Variants in TMEM132C observed in about 807,000 individuals in gnomAD.
TMEM132C encodes the protein protein phosphatase 1, regulatory subunit 152.
TMEM132C carries 29 observed loss-of-function variants against 61.4 expected under a neutral mutation model. The ratio of observed to expected loss-of-function variants is 0.47; its 90% CI spans 0.35 to 0.64. The LOEUF is 0.64. TMEM132C is among the 30% of genes least tolerant of loss of function. The pLI, the probability that TMEM132C is intolerant of heterozygous loss-of-function variation, is 0.00. For missense variants in TMEM132C, 1,408 were observed against 1,476.9 expected (o/e 0.95, Z 0.76); for synonymous variants, 656 against 633.1 (o/e 1.04, Z -0.54).
intron 1 of TMEM132C, among the ~76,000 whole-genome samples, chr12:128,379,940 G>C (rs751456828): frequency 6.6e-6 from 1 of 152,200 alleles, no homozygotes; most frequent in African/African-American, 2.4e-5. Context: ...GGGATAGTCC[G>C]TGAGTATGGG....
At chr12:128,467,206 C>G (rs145856199) in intron 2 of TMEM132C, among the ~76,000 whole-genome samples, 73 of 152,238 alleles carry the variant, frequency 4.8e-4, no homozygotes, top group African/African-American at 1.6e-3. Context: ...TCTCAGACTC[C>G]GGGTATGTTG....
chr12:128,700,923 T>C (rs1057128405), intron 8 of TMEM132C, among the ~76,000 whole-genome samples: 3 of 152,216 alleles, frequency 2.0e-5, no homozygotes, highest in Admixed American at 1.3e-4. Flanking sequence ...GCAAGTAGTT[T>C]ATTCAGGTGG....
rs1215351410 is a variant in TMEM132C, at chr12:128,654,987, C to T, written c.1306-14430C>T. On this transcript the variant is annotated intron_variant, in intron 4 of 8. Coordinates refer to ENST00000435159, the MANE Select transcript of TMEM132C (RefSeq NM_001136103.3). Reference sequence around the variant, plus strand: ...CACCTCGGGGTCTCCCTGCTCCTACCGAATCTAAGGCAGTCGCAGAGGAAA... The same window carrying T: ...CACCTCGGGGTCTCCCTGCTCCTACTGAATCTAAGGCAGTCGCAGAGGAAA... 3.9e-5 allele frequency among the ~76,000 whole-genome samples: 6 copies of T among 152,202 alleles called. No homozygotes were observed. The East Asian group carries it at 9.6e-4, about 24-fold the overall frequency.
chr12:128,436,647 C>T (rs1263120231), intron 2 of TMEM132C, among the ~76,000 whole-genome samples: 1 of 152,204 alleles, frequency 6.6e-6, no homozygotes, highest in Admixed American at 6.5e-5. Context: ...CAGGAAACAA[C>T]AGGTGCTGGA....
chr12:128,569,195 T>C (rs1443772156), intron 3 of TMEM132C, among the ~76,000 whole-genome samples: 1 of 152,160 alleles, frequency 6.6e-6, no homozygotes, highest in Non-Finnish European at 1.5e-5. Context: ...CACAGTGAGC[T>C]GAGTTTGGGA....
chr12:128,682,332 C>G (rs1208466118), intron 5 of TMEM132C, among the ~76,000 whole-genome samples: 1 of 152,226 alleles, frequency 6.6e-6, no homozygotes, highest in African/African-American at 2.4e-5. Context: ...TGTCCCAGCA[C>G]CTCCTCTCCA....
At chr12:128,449,136 C>CAAAAAAAAAA (rs141298455) in intron 2 of TMEM132C, among the ~76,000 whole-genome samples, 1 of 50,720 alleles carries the variant, frequency 2.0e-5, no homozygotes, top group Non-Finnish European at 4.3e-5. Flanking sequence ...GACTCTGTCT[C>CAAAAAAAAAA]AAAAAAAAAA....
chr12:128,706,321 C>CAGAT lies in TMEM132C; in HGVS notation c.*27_*30dup. 4 of 1,479,248 alleles carry CAGAT rather than the reference C, an allele frequency of 2.7e-6. No homozygotes were observed. The highest frequency in any genetic ancestry group is 3.6e-6 in the Non-Finnish European group (4 of 1,115,570). The allele number at this position is 1,479,248 out of a possible 1,614,324, so 91.6% of individuals were successfully genotyped here. ...GCCCCTCTAGCCAAAGGGCCCTGCCCAGATGCCTTCCTTGTACTGGAAACT... is the reference window on the plus strand; with the variant it reads ...GCCCCTCTAGCCAAAGGGCCCTGCCCAGATAGATGCCTTCCTTGTACTGGAAACT... On this transcript the variant is annotated 3_prime_UTR_variant, in exon 9 of 9. Transcript: ENST00000435159.
At position 128,459,888 on chromosome 12, in the gene TMEM132C, A is replaced by AG. The variant is rs1870476365; in HGVS notation, c.974+44268_974+44269insG. ...CAACAGAGCAAGACTCTGTCTCAAA[A>AG]AAAAAAAAAAAAAAAAAAGAATGCT... On this transcript the variant is annotated intron_variant, in intron 2 of 8. Coordinates refer to ENST00000435159, the MANE Select transcript of TMEM132C (RefSeq NM_001136103.3). 2.7e-5 allele frequency among the ~76,000 whole-genome samples: 4 copies of AG among 150,050 alleles called. 1 individual carries two copies. In the South Asian group the frequency reaches 8.5e-4, roughly 32 times the overall value.
rs1872008354 is a variant in TMEM132C, at chr12:128,497,533, G to T, written c.975-46424G>T. 2.0e-5 allele frequency among the ~76,000 whole-genome samples: 3 copies of T among 152,202 alleles called. No homozygotes were observed. The South Asian group carries it at 6.2e-4, about 31-fold the overall frequency. On this transcript the variant is annotated intron_variant, in intron 2 of 8. Coordinates refer to ENST00000435159, the MANE Select transcript of TMEM132C (RefSeq NM_001136103.3). ...ACCTAGTTAAGCCTCAGCAATGGCAGGCGCCCCTCCCCCAGCCTCGCTGCT... is the reference window on the plus strand; with the variant it reads ...ACCTAGTTAAGCCTCAGCAATGGCATGCGCCCCTCCCCCAGCCTCGCTGCT...
At chr12:128,355,955 T>G (rs1225905380) in intron 1 of TMEM132C, among the ~76,000 whole-genome samples, 1 of 152,136 alleles carries the variant, frequency 6.6e-6, no homozygotes, top group Non-Finnish European at 1.5e-5. Context: ...TATTTTACTA[T>G]TTATCTTTCC....
chr12:128,646,943 T>C (rs1954206004), intron 4 of TMEM132C, among the ~76,000 whole-genome samples: 1 of 151,702 alleles, frequency 6.6e-6, no homozygotes, highest in African/African-American at 2.4e-5. Flanking sequence ...GTGTGTTTAC[T>C]GGAGTCCATC....
chr12:128,632,025 T>A (rs1593127176), intron 4 of TMEM132C, among the ~76,000 whole-genome samples: 1 of 152,116 alleles, frequency 6.6e-6, no homozygotes, highest in African/African-American at 2.4e-5. Context: ...CAAACCCCAA[T>A]AGATGCCTGT....
At chr12:128,312,216 A>G (rs1389806075) in intron 1 of TMEM132C, among the ~76,000 whole-genome samples, 2 of 152,192 alleles carry the variant, frequency 1.3e-5, no homozygotes, top group Non-Finnish European at 2.9e-5. Context: ...TCATTTGGAA[A>G]TAGGGTCTTT....
chr12:128,445,517 C>T (rs1400154489), intron 2 of TMEM132C, among the ~76,000 whole-genome samples: 2 of 152,052 alleles, frequency 1.3e-5, no homozygotes, highest in Non-Finnish European at 2.9e-5. Context: ...CCTGGGGTGT[C>T]CGTGTGTCCA....
At chr12:128,614,419 C>T (rs796286618) in intron 3 of TMEM132C, among the ~76,000 whole-genome samples, 10 of 152,160 alleles carry the variant, frequency 6.6e-5, no homozygotes, top group African/African-American at 2.4e-4. Flanking sequence ...GTTCACAGGA[C>T]ACAGTTTGCT....
At chr12:128,354,877 C>T (rs1309441342) in intron 1 of TMEM132C, among the ~76,000 whole-genome samples, 1 of 152,178 alleles carries the variant, frequency 6.6e-6, no homozygotes, top group Non-Finnish European at 1.5e-5. Context: ...GACATTATCA[C>T]CAGGTAGCCT....
chr12:128,325,926 G>C (rs1277188925), intron 1 of TMEM132C, among the ~76,000 whole-genome samples: 40 of 152,100 alleles, frequency 2.6e-4, no homozygotes, highest in Admixed American at 2.6e-3. Context: ...GTAGCTTCTT[G>C]CTCCTCGGTC....
chr12:128,361,245 T>A (rs1370570240), intron 1 of TMEM132C, among the ~76,000 whole-genome samples: 2 of 152,212 alleles, frequency 1.3e-5, no homozygotes, highest in African/African-American at 4.8e-5. Context: ...GCTGTGTTGC[T>A]ACAAAGCAGA....
Sources: allele counts gnomAD v4.1 joint callset (sites outside exome capture counted in the v4.1 genomes callset), GRCh38; gene constraint gnomAD v4.1.1; transcripts MANE v1.5; gene names NCBI Gene and HGNC (gene_info 2026-07-23, HGNC 2026-07-21).